FHIP2A: variants seen among roughly 807,000 people sequenced by gnomAD.
FHIP2A encodes family with sequence similarity 160 member B1.
In FHIP2A, 46 loss-of-function variants were observed where a neutral mutation model predicts 93.5. The observed-to-expected ratio is 0.49, with a 90% CI of 0.39 to 0.63. The LOEUF is 0.63. FHIP2A is among the 20% of genes least tolerant of loss of function. The pLI, the probability that FHIP2A is intolerant of heterozygous loss-of-function variation, is 0.00. For synonymous variants in FHIP2A, 332 were observed against 326.5 expected, an observed-to-expected ratio of 1.02 and a Z score of -0.18; for missense variants, 769 against 909.7, an observed-to-expected ratio of 0.85 and a Z score of 1.99.
At chr10:114,861,200 G>A in intron 15 of FHIP2A, 31 bp from the exon 16 acceptor site, 1 of 1,609,900 alleles carries the variant, frequency 6.2e-7, no homozygotes, top group Non-Finnish European at 8.5e-7. Flanking sequence ...GCTGATTTCA[G>A]GAACTGAAGT....
At chr10:114,875,245 AT>A (rs2083879133) in intron 16 of FHIP2A, among the ~76,000 whole-genome samples, 1 of 152,074 alleles carries the variant, frequency 6.6e-6, no homozygotes, top group African/African-American at 2.4e-5. Flanking sequence ...GACGGGTCTG[AT>A]TTGGATGTTT....
chr10:114,847,424 G>C (rs1346921631), intron 12 of FHIP2A, among the ~76,000 whole-genome samples, 191 bp downstream of exon 12: 1 of 151,998 alleles, frequency 6.6e-6, no homozygotes, highest in African/African-American at 2.4e-5. Context: ...AAGTAGCTGG[G>C]ATTACAGGCT....
At chr10:114,870,515 A>G (rs2143014166) in intron 16 of FHIP2A, among the ~76,000 whole-genome samples, 1 of 152,300 alleles carries the variant, frequency 6.6e-6, no homozygotes, top group East Asian at 1.9e-4. Flanking sequence ...ACTTTCCTAA[A>G]TGATCCTGCT....
At chr10:114,877,928 G>C (rs2083897374) in intron 16 of FHIP2A, among the ~76,000 whole-genome samples, 2 of 152,072 alleles carry the variant, frequency 1.3e-5, no homozygotes. Flanking sequence ...ACTGAGACCA[G>C]AGAAGCAAAA....
intron 3 of FHIP2A, 33 bp downstream of exon 3, chr10:114,833,435 A>T (rs59760966): frequency 6.3e-7 from 1 of 1,575,740 alleles, no homozygotes; most frequent in East Asian, 2.2e-5. Context: ...GTTCTTGGGC[A>T]TTAGTACATG....
intron 16 of FHIP2A, among the ~76,000 whole-genome samples, chr10:114,878,635 C>T (rs1197501430): frequency 4.6e-5 from 7 of 152,024 alleles, no homozygotes; most frequent in Non-Finnish European, 7.4e-5. Context: ...AAAAATTAGC[C>T]GGCCATAATG....
At chr10:114,887,621 G>A (rs917543145) in intron 16 of FHIP2A, among the ~76,000 whole-genome samples, 2 of 152,182 alleles carry the variant, frequency 1.3e-5, no homozygotes, top group Admixed American at 1.3e-4. Context: ...TTAATTATTT[G>A]GGAAATGTTA....
At chr10:114,867,208 CAAAA>C (rs11392511), downstream of FHIP2A, among the ~76,000 whole-genome samples, 1 of 123,806 alleles carries the variant, frequency 8.1e-6, no homozygotes, top group Admixed American at 8.4e-5. Context: ...GACTCCATCT[CAAAA>C]AAAAAAAAAA....
chr10:114,839,191 A>C (rs543164575), intron 5 of FHIP2A, among the ~76,000 whole-genome samples: 12 of 152,178 alleles, frequency 7.9e-5, no homozygotes, highest in African/African-American at 2.9e-4. Flanking sequence ...GCAGTGGTGC[A>C]ATCTCGGCTC....
rs1232635217 is a variant in FHIP2A, at chr10:114,833,287, T to C, written c.179T>C (p.Leu60Ser). 4 of 1,613,220 alleles carry C rather than the reference T, an allele frequency of 2.5e-6. No homozygotes were observed. Among genetic ancestry groups the C allele is most frequent in the Non-Finnish European group, 3.4e-6 (4 of 1,179,336 alleles). The change falls in exon 3 of 17, where the codon TTA (leucine) becomes TCA (serine). Residue 60 changes from leucine (L) to serine (S), a missense_variant. Leu to Ser is a moderately radical substitution (Grantham distance 145). Coordinates refer to ENST00000369248, the MANE Select transcript of FHIP2A (RefSeq NM_020940.4). The part of the protein sequence containing the change: ...TNIPSHLEQM[L>S]DILVQEENER... ...ATTCCATCGCATCTGGAACAGATGT[T>C]AGATATACTGGTTCAAGAAGAAAAT...
chr10:114,863,094 A>G lies in FHIP2A; in HGVS notation c.*1554A>G. 1.0e-6 allele frequency: 1 copy of G among 982,642 alleles called. No individual in the cohort carries two copies. The highest frequency in any genetic ancestry group is 4.7e-5 in the South Asian group (1 of 21,250). The allele number at this position is 982,642 out of a possible 1,614,324, so 60.9% of individuals were successfully genotyped here. On this transcript the variant is annotated 3_prime_UTR_variant, in exon 17 of 17. Coordinates refer to ENST00000369248, the MANE Select transcript of FHIP2A (RefSeq NM_020940.4). ...GAATGCTTACCACTGTTAAAACAACAAAAAGACTAAACCTCTAATTTCATG... is the reference window on the plus strand; with the variant it reads ...GAATGCTTACCACTGTTAAAACAACGAAAAGACTAAACCTCTAATTTCATG...
In FHIP2A at chr10:114,848,055, A is replaced by G. The variant is rs541802952; in HGVS notation, c.1713-592A>G. On this transcript the variant is annotated intron_variant, in intron 12 of 16. Coordinates refer to ENST00000369248, the MANE Select transcript of FHIP2A (RefSeq NM_020940.4). ...GTTTGATAAGATGTACTTATTAAAC[A>G]TGTGTGCTAAGTGTTGGGCTATTCC... Among the ~76,000 whole-genome samples, 18 of 152,292 alleles carry G rather than the reference A, an allele frequency of 1.2e-4. 1 individual carries two copies. Among genetic ancestry groups the G allele is most frequent in the African/African-American group, 4.3e-4 (18 of 41,576 alleles).
At chr10:114,887,778 G>C (rs1033926478) in intron 16 of FHIP2A, among the ~76,000 whole-genome samples, 3 of 152,244 alleles carry the variant, frequency 2.0e-5, no homozygotes, top group Non-Finnish European at 2.9e-5. Flanking sequence ...CAGGCTGTGA[G>C]AATGCCACAC....
chr10:114,858,997 A>G (rs183695143), intron 14 of FHIP2A, among the ~76,000 whole-genome samples: 97 of 152,106 alleles, frequency 6.4e-4, no homozygotes, highest in African/African-American at 2.1e-3. Flanking sequence ...CAAAATAGGT[A>G]CAATTATGCT....
chr10:114,861,824 G>C lies in FHIP2A; in HGVS notation c.*284G>C. 9.5e-7 allele frequency: 1 copy of C among 1,053,868 alleles called. No homozygotes were observed. Among genetic ancestry groups the C allele is most frequent in the Non-Finnish European group, 1.1e-6 (1 of 873,834 alleles). 65.3% of individuals were successfully genotyped at this position (1,053,868 alleles called of 1,614,324 possible). On this transcript the variant is annotated 3_prime_UTR_variant, in exon 17 of 17. Coordinates refer to ENST00000369248, the MANE Select transcript of FHIP2A (RefSeq NM_020940.4). ...CAGGAAATAAGCATTTCTAATGACT[G>C]TGAAAAGCTGCAATATTTCCAATGT...
Position 114,862,766 on chromosome 10 carries a change from C to G in FHIP2A, c.*1226C>G. Reference sequence around the variant, plus strand: ...TGATCACTCAAATAATGCTTTTAAGCTATTGTTTGTTTTTATTTGACATGT... The same window carrying G: ...TGATCACTCAAATAATGCTTTTAAGGTATTGTTTGTTTTTATTTGACATGT... On this transcript the variant is annotated 3_prime_UTR_variant, in exon 17 of 17. Transcript: ENST00000369248. 1.0e-6 allele frequency: 1 copy of G among 985,344 alleles called. No individual in the cohort carries two copies. The highest frequency in any genetic ancestry group is 1.2e-6 in the Non-Finnish European group (1 of 829,910). The allele number at this position is 985,344 out of a possible 1,614,324, so 61.0% of individuals were successfully genotyped here.
chr10:114,836,033 T>A (rs2083635104), intron 4 of FHIP2A, 91 bp from the exon 5 acceptor site: 2 of 976,408 alleles, frequency 2.0e-6, no homozygotes, highest in South Asian at 4.1e-5. Flanking sequence ...ATATGAAAAA[T>A]TTAAATATCC....
At chr10:114,861,116 G>C in intron 15 of FHIP2A, 115 bp from the exon 16 acceptor site, 1 of 1,357,810 alleles carries the variant, frequency 7.4e-7, no homozygotes, top group Non-Finnish European at 1.0e-6. Context: ...TATATGAGTA[G>C]TGAAAGTTTA....
chr10:114,832,529 T>A (rs1179765698), intron 2 of FHIP2A, among the ~76,000 whole-genome samples: 1 of 152,246 alleles, frequency 6.6e-6, no homozygotes, highest in South Asian at 2.1e-4. Context: ...TTAAAGAGAC[T>A]TAAAGTTCAG....
Sources: allele counts gnomAD v4.1 joint callset (sites outside exome capture counted in the v4.1 genomes callset), GRCh38; gene constraint gnomAD v4.1.1; transcripts MANE v1.5; gene names NCBI Gene and HGNC (gene_info 2026-07-23, HGNC 2026-07-21).